RLN2: variants seen among roughly 807,000 people sequenced by gnomAD.
RLN2 encodes the protein relaxin 2, also known as prorelaxin H2.
In RLN2, 10 loss-of-function variants were observed where a neutral mutation model predicts 7.3. The observed-to-expected ratio is 1.36, with a 90% confidence interval of 0.84 to 2.31. The LOEUF is 2.31. RLN2 is among the 30% of genes most tolerant of loss of function. RLN2 has a pLI of 0.00. For missense variants in RLN2, 298 were observed against 217.6 expected (o/e 1.37, Z -2.32); for synonymous variants, 103 against 82.3 (o/e 1.25, Z -1.36).
the RLN2 span, among the ~76,000 whole-genome samples, chr9:5,324,091 C>G: frequency 2.6e-5 from 4 of 151,918 alleles, no homozygotes; most frequent in Admixed American, 2.6e-4. Flanking sequence ...CCAATCAGCT[C>G]TTAAGGTGGT....
At chr9:5,327,313 G>C in the RLN2 span, among the ~76,000 whole-genome samples, 4 of 152,094 alleles carry the variant, frequency 2.6e-5, no homozygotes, top group South Asian at 6.2e-4. Context: ...GTCTGAGATC[G>C]ACCGGCTACG....
chr9:5,337,597 C>G, the RLN2 span, among the ~76,000 whole-genome samples: 1 of 151,882 alleles, frequency 6.6e-6, no homozygotes, highest in Non-Finnish European at 1.5e-5. Context: ...AACGTGAAAG[C>G]AAGTAGCAAT....
chr9:5,321,295 G>GA, the RLN2 span, among the ~76,000 whole-genome samples: 6 of 152,042 alleles, frequency 3.9e-5, no homozygotes, highest in Admixed American at 2.0e-4. Context: ...TTCCAGGTAA[G>GA]ATCAAAGAAG....
chr9:5,336,401 C>T, the RLN2 span, among the ~76,000 whole-genome samples: 1 of 152,006 alleles, frequency 6.6e-6, no homozygotes. Context: ...AGGGCCTGTT[C>T]TTACACAGCA....
At chr9:5,311,773 AT>A in the RLN2 span, 251 of 748,362 alleles carry the variant, frequency 3.4e-4, 1 homozygote, top group African/African-American at 2.4e-3. Flanking sequence ...TTGAAATATG[AT>A]TTTTTTATCA....
In RLN2 at chr9:5,300,137, A is replaced by C; in HGVS notation, c.519T>G (p.His173Gln). The C allele has an allele frequency of 6.2e-7, 1 of 1,604,428 alleles. No homozygotes were observed. The highest frequency in any genetic ancestry group is 1.3e-5 in the African/African-American group (1 of 74,314). Reference sequence around the variant, plus strand: ...CAAGAGATCTTTTGGTACAACCAACATGGCAACATTTATTAGCCAATGCAC... The same window carrying C: ...CAAGAGATCTTTTGGTACAACCAACCTGGCAACATTTATTAGCCAATGCAC... ...LYSALANKCC[H>Q]VGCTKRSLAR... is the part of the protein sequence containing the mutation. The change falls in exon 2 of 2, where the codon CAT becomes CAG. Residue 173 changes from histidine (H) to glutamine (Q), a missense_variant. By Grantham distance (24) the His-to-Gln change is conservative. Transcript: ENST00000381627.
At chr9:5,335,209 T>C in the RLN2 span, 1 of 1,229,506 alleles carries the variant, frequency 8.1e-7, no homozygotes. Context: ...TCATCAAGAC[T>C]ATGTGTGAAA....
upstream of RLN2, among the ~76,000 whole-genome samples, chr9:5,308,005 G>A (rs138786301): frequency 1.7e-3 from 259 of 151,858 alleles, 3 homozygotes; most frequent in East Asian, 0.02. Context: ...TGATCCCAAT[G>A]ACAGTCGGTG....
upstream of RLN2, among the ~76,000 whole-genome samples, chr9:5,309,217 T>C (rs532066534): frequency 1.3e-5 from 2 of 152,050 alleles, no homozygotes; most frequent in Non-Finnish European, 2.9e-5. Context: ...TCAGACTGTA[T>C]ATAATGTGTT....
upstream of RLN2, among the ~76,000 whole-genome samples, chr9:5,308,836 T>C (rs1424894848): frequency 6.6e-6 from 1 of 152,092 alleles, no homozygotes; most frequent in Non-Finnish European, 1.5e-5. Flanking sequence ...TTCAGCTCTC[T>C]GCCAGCCCTG....
chr9:5,319,855 A>G, the RLN2 span, among the ~76,000 whole-genome samples: 2 of 152,148 alleles, frequency 1.3e-5, no homozygotes, highest in Admixed American at 6.5e-5. Flanking sequence ...GTCAGAAAAT[A>G]TGGATTCATG....
the RLN2 span, among the ~76,000 whole-genome samples, chr9:5,332,761 G>A: frequency 1.3e-5 from 2 of 151,572 alleles, no homozygotes; most frequent in Non-Finnish European, 2.9e-5. Context: ...GATTACAGGC[G>A]CACACCACCA....
chr9:5,327,239 A>G, the RLN2 span, among the ~76,000 whole-genome samples: 1 of 152,060 alleles, frequency 6.6e-6, no homozygotes, highest in Non-Finnish European at 1.5e-5. Flanking sequence ...ACCAGGAGAT[A>G]CCCTCCTTTG....
chr9:5,301,809 C>G (rs547222206), intron 1 of RLN2, among the ~76,000 whole-genome samples: 102 of 151,944 alleles, frequency 6.7e-4, no homozygotes, highest in African/African-American at 2.2e-3. Context: ...CAAAAAAATT[C>G]AACAATTGGA....
chr9:5,328,840 T>C, the RLN2 span, among the ~76,000 whole-genome samples: 2 of 151,982 alleles, frequency 1.3e-5, no homozygotes, highest in East Asian at 1.9e-4. Context: ...CTAAGCTTCA[T>C]AAGTGAAGGA....
the RLN2 span, among the ~76,000 whole-genome samples, chr9:5,309,753 G>C: frequency 6.6e-6 from 1 of 152,044 alleles, no homozygotes; most frequent in Middle Eastern, 3.4e-3. Flanking sequence ...TGAGCTCTTT[G>C]GGGGCAGTGG....
At chr9:5,337,477 T>C in the RLN2 span, among the ~76,000 whole-genome samples, 27 of 152,160 alleles carry the variant, frequency 1.8e-4, no homozygotes, top group Non-Finnish European at 3.5e-4. Flanking sequence ...TGGATGCAAA[T>C]CTTACTGAAA....
the RLN2 span, among the ~76,000 whole-genome samples, chr9:5,319,141 G>A: frequency 6.6e-6 from 1 of 151,812 alleles, no homozygotes; most frequent in Non-Finnish European, 1.5e-5. Flanking sequence ...CCTTTCCTAA[G>A]GAACTATAAA....
At chr9:5,326,367 C>T in the RLN2 span, among the ~76,000 whole-genome samples, 2,099 of 152,158 alleles carry the variant, frequency 0.014, 80 homozygotes, top group African/African-American at 0.049. Flanking sequence ...ACAGGTGGAG[C>T]CACTGAAGTG....
Sources: allele counts gnomAD v4.1 joint callset (sites outside exome capture counted in the v4.1 genomes callset), GRCh38; gene constraint gnomAD v4.1.1; transcripts MANE v1.5; gene names NCBI Gene and HGNC (gene_info 2026-07-23, HGNC 2026-07-21).